The following NUP205 variants were observed in gnomAD, a reference collection of about 807,000 sequenced individuals.
NUP205 encodes nuclear pore complex protein Nup205.
A neutral mutation model predicts 253.8 loss-of-function variants in NUP205; 76 were observed. The ratio of observed to expected loss-of-function variants is 0.30; its 90% CI spans 0.25 to 0.36. The LOEUF (loss-of-function observed/expected upper bound fraction) is 0.36. NUP205 is among the 10% of genes least tolerant of loss of function. The pLI, the probability that NUP205 is intolerant of heterozygous loss-of-function variation, is 1.00. For missense variants in NUP205, 2,162 were observed against 2,425.5 expected (o/e 0.89, Z 2.28); for synonymous variants, 832 against 850.1 (o/e 0.98, Z 0.37).
intron 31 of NUP205, among the ~76,000 whole-genome samples, 181 bp from the exon 32 acceptor site, chr7:135,624,983 G>A (rs1429446955): frequency 6.6e-6 from 1 of 151,840 alleles, no homozygotes; most frequent in Non-Finnish European, 1.5e-5. Context: ...ATAAATTGAG[G>A]TTCTGGAGCC....
intron 8 of NUP205, among the ~76,000 whole-genome samples, chr7:135,585,740 TG>T (rs766271916): frequency 2.0e-4 from 30 of 152,154 alleles, no homozygotes; most frequent in Non-Finnish European, 3.1e-4. Context: ...TTTATTAGAA[TG>T]GGGTTTCACC....
intron 1 of NUP205, among the ~76,000 whole-genome samples, chr7:135,567,128 G>GTATATATATATA (rs1163648935): frequency 5.5e-4 from 4 of 7,234 alleles, no homozygotes; most frequent in African/African-American, 2.0e-3. Context: ...GTCTATGTGT[G>GTATATATATATA]TATATATATA....
At chr7:135,614,342 C>T (rs1794307024) in intron 23 of NUP205, 69 bp downstream of exon 23, 4 of 873,922 alleles carry the variant, frequency 4.6e-6, no homozygotes, top group Non-Finnish European at 7.6e-6. Flanking sequence ...TTTATTTATA[C>T]AATATTTGGG....
rs771944799 is a variant in NUP205 at position 135,646,247 on chromosome 7, C to A, written c.5886+16C>A. On this transcript the variant is annotated intron_variant, in intron 42 of 42. Coordinates refer to ENST00000285968, the MANE Select transcript of NUP205 (RefSeq NM_015135.3). ...TTTAGACCAGGTAAGGTTCTATTCT[C>A]ATATTCTTTTATTTTTCTTCATTAA... The A allele has an allele frequency of 3.2e-6, 5 of 1,567,796 alleles. No individual in the cohort carries two copies. The highest frequency in any genetic ancestry group is 4.4e-6 in the Non-Finnish European group (5 of 1,138,116).
At chr7:135,612,941 C>T (rs1001263444) in intron 22 of NUP205, among the ~76,000 whole-genome samples, 1 of 152,234 alleles carries the variant, frequency 6.6e-6, no homozygotes, top group Non-Finnish European at 1.5e-5. Context: ...ATATTAGCCA[C>T]GCATGGTGGC....
At chr7:135,574,732 T>A (rs987950095) in intron 3 of NUP205, among the ~76,000 whole-genome samples, 1 of 152,212 alleles carries the variant, frequency 6.6e-6, no homozygotes, top group Non-Finnish European at 1.5e-5. Flanking sequence ...GCAGAGACAT[T>A]ACATAATTCA....
At chr7:135,617,275 G>T in intron 26 of NUP205, 28 bp downstream of exon 26, 2 of 1,597,438 alleles carry the variant, frequency 1.3e-6, no homozygotes, top group Non-Finnish European at 1.7e-6. Flanking sequence ...GTACATATCT[G>T]CAGTGTCAAG....
chr7:135,587,745 C>T lies in NUP205; in HGVS notation c.1335+54C>T, dbSNP rs761134637. On this transcript the variant is annotated intron_variant, in intron 9 of 42. Coordinates refer to ENST00000285968, the MANE Select transcript of NUP205 (RefSeq NM_015135.3). The stretch of plus-strand genomic sequence containing the variant: ...TCTTTCCCTCCTTTCATTATTTTTT[C>T]CCCTAACTTTGGAAAATTTCAGGTG... The T allele has an allele frequency of 9.2e-6, 14 of 1,525,390 alleles. No individual in the cohort carries two copies. The African/African-American group carries it at 1.1e-4, about 12-fold the overall frequency. The allele number at this position is 1,525,390 out of a possible 1,614,324, so 94.5% of individuals were successfully genotyped here.
Position 135,630,484 on chromosome 7 carries a change from G to A in NUP205, c.5059+14G>A. Reference sequence around the variant, plus strand: ...CAGCACTTCCTGGTGAGTTGATTATGTTGAAAGGATTTTTAATAATTCTTT... The same window carrying A: ...CAGCACTTCCTGGTGAGTTGATTATATTGAAAGGATTTTTAATAATTCTTT... On this transcript the variant is annotated intron_variant, in intron 35 of 42. Transcript: ENST00000285968. 1 of 1,575,496 alleles carries A rather than the reference G, an allele frequency of 6.3e-7. No homozygotes were observed. Among genetic ancestry groups the A allele is most frequent in the East Asian group, 2.3e-5 (1 of 44,128 alleles).
At chr7:135,606,957 T>G (rs1019238508) in intron 21 of NUP205, 42 bp downstream of exon 21, 3 of 1,573,018 alleles carry the variant, frequency 1.9e-6, no homozygotes, top group African/African-American at 1.4e-5. Context: ...CTTCCATATT[T>G]GTGTATCTCA....
chr7:135,620,832 G>A (rs1794458310), intron 30 of NUP205, among the ~76,000 whole-genome samples: 1 of 152,042 alleles, frequency 6.6e-6, no homozygotes, highest in African/African-American at 2.4e-5. Flanking sequence ...TCCAAGAAGT[G>A]GAATTTCTTG....
chr7:135,631,699 G>A (rs140099413), intron 35 of NUP205, among the ~76,000 whole-genome samples: 156 of 151,594 alleles, frequency 1.0e-3, no homozygotes, highest in Non-Finnish European at 1.8e-3. Context: ...CACCATTCAC[G>A]AGTTCTTTCT....
chr7:135,588,072 A>G, intron 10 of NUP205, 80 bp downstream of exon 10: 1 of 1,251,476 alleles, frequency 8.0e-7, no homozygotes, highest in Non-Finnish European at 1.1e-6. Flanking sequence ...TTACTTCCTG[A>G]TTTTATTGCT....
Position 135,593,542 on chromosome 7 carries a change from G to T in NUP205, c.1830+350G>T, listed in dbSNP as rs537477878. On this transcript the variant is annotated intron_variant, in intron 12 of 42. Coordinates refer to ENST00000285968, the MANE Select transcript of NUP205 (RefSeq NM_015135.3). ...TATGTGTGTATGCATAAAGAATATT[G>T]TAATTAAAAGTCATTTACTGTATTA... is the stretch of plus-strand genomic sequence containing the variant. Among the ~76,000 whole-genome samples the T allele has an allele frequency of 2.6e-5, 4 of 152,206 alleles. No homozygotes were observed. The South Asian group carries it at 6.2e-4, about 24-fold the overall frequency.
In NUP205 at chr7:135,619,787, T is replaced by G; in HGVS notation, c.4232-3T>G. 1 of 1,609,494 alleles carries G rather than the reference T, an allele frequency of 6.2e-7. No homozygotes were observed. The highest frequency in any genetic ancestry group is 8.5e-7 in the Non-Finnish European group (1 of 1,177,312). ...TCATTTGACATCTTCCTAATCTCCC[T>G]AGGTGGTGGATTCCAACGAGTGAGG... On this transcript the variant is annotated splice_region_variant and splice_polypyrimidine_tract_variant and intron_variant, in intron 29 of 42. Coordinates refer to ENST00000285968, the MANE Select transcript of NUP205 (RefSeq NM_015135.3).
chr7:135,638,268 G>A (rs1026017959), intron 37 of NUP205, among the ~76,000 whole-genome samples: 2 of 152,054 alleles, frequency 1.3e-5, no homozygotes, highest in Non-Finnish European at 2.9e-5. Context: ...AAAAAATTTA[G>A]CTGGGCATGG....
intron 7 of NUP205, among the ~76,000 whole-genome samples, chr7:135,584,144 C>T (rs897450986): frequency 6.6e-6 from 1 of 151,992 alleles, no homozygotes; most frequent in African/African-American, 2.4e-5. Context: ...TTGTACACTG[C>T]AAATACTTAC....
chr7:135,635,497 A>G (rs1794790219), intron 35 of NUP205, 84 bp from the exon 36 acceptor site: 9 of 794,132 alleles, frequency 1.1e-5, no homozygotes, highest in Middle Eastern at 7.6e-4. Flanking sequence ...CATAAACAAT[A>G]TAAAATATTA....
chr7:135,629,346 A>G (rs1398811324), intron 34 of NUP205, among the ~76,000 whole-genome samples: 1 of 152,162 alleles, frequency 6.6e-6, no homozygotes, highest in Non-Finnish European at 1.5e-5. Context: ...AACCGCATCA[A>G]AAGGAGAGTT....
Sources: allele counts gnomAD v4.1 joint callset (sites outside exome capture counted in the v4.1 genomes callset), GRCh38; gene constraint gnomAD v4.1.1; transcripts MANE v1.5; gene names NCBI Gene and HGNC (gene_info 2026-07-23, HGNC 2026-07-21).